LPP: variants seen among roughly 807,000 people sequenced by gnomAD.
LPP encodes lipoma-preferred partner.
Under a neutral mutation model 60.4 loss-of-function variants are expected in LPP, and 38 were observed. The ratio of observed to expected loss-of-function variants is 0.63; its 90% confidence interval spans 0.49 to 0.83. The LOEUF is 0.83. Among genes scored for constraint, LPP ranks in the 40% least tolerant of loss-of-function variants. The pLI is 0.00. For missense variants in LPP, 902 were observed against 783.6 expected (o/e 1.15, Z -1.80); for synonymous variants, 328 against 290.8 (o/e 1.13, Z -1.30).
chr3:188,162,659 T>C (rs1679195), intron 1 of LPP, among the ~76,000 whole-genome samples: 98,810 of 151,984 alleles, frequency 0.65, 32,378 homozygotes, highest in East Asian at 0.71. Flanking sequence ...GGAACATCCC[T>C]GAGCCTAAAT....
chr3:188,615,383 C>T (rs1028948877), intron 7 of LPP, among the ~76,000 whole-genome samples: 1 of 152,182 alleles, frequency 6.6e-6, no homozygotes, highest in Non-Finnish European at 1.5e-5. Flanking sequence ...GTTTTCTCCT[C>T]TTCCTAAAAG....
At chr3:188,611,131 A>G (rs1354801532) in intron 7 of LPP, among the ~76,000 whole-genome samples, 1 of 152,160 alleles carries the variant, frequency 6.6e-6, no homozygotes, top group Non-Finnish European at 1.5e-5. Context: ...TTCACATTCT[A>G]TAGGGGAATA....
intron 7 of LPP, among the ~76,000 whole-genome samples, chr3:188,617,496 A>C (rs919980103): frequency 6.6e-6 from 1 of 152,160 alleles, no homozygotes; most frequent in African/African-American, 2.4e-5. Flanking sequence ...CCACTGAATA[A>C]TAGAAAATGG....
chr3:188,482,960 C>G (rs996467781), intron 4 of LPP, among the ~76,000 whole-genome samples: 10 of 152,144 alleles, frequency 6.6e-5, no homozygotes, highest in Non-Finnish European at 1.2e-4. Flanking sequence ...GAATCAGAAT[C>G]TCTGGATCCA....
chr3:188,293,018 A>C (rs539677980), intron 2 of LPP, among the ~76,000 whole-genome samples: 1 of 152,324 alleles, frequency 6.6e-6, no homozygotes, highest in East Asian at 1.9e-4. Context: ...AAATGAAATC[A>C]CCAGCATTAC....
At chr3:188,827,774 G>C (rs981359749) in intron 9 of LPP, among the ~76,000 whole-genome samples, 4 of 152,140 alleles carry the variant, frequency 2.6e-5, no homozygotes, top group Non-Finnish European at 5.9e-5. Context: ...TGTGTGTTCT[G>C]AGCCAAGTGC....
chr3:188,457,309 C>T (rs1423673005), intron 4 of LPP, among the ~76,000 whole-genome samples: 1 of 152,140 alleles, frequency 6.6e-6, no homozygotes, highest in Non-Finnish European at 1.5e-5. Context: ...TTTAAACTCA[C>T]CATCTTGATG....
chr3:188,563,067 C>T (rs923464296), intron 6 of LPP, among the ~76,000 whole-genome samples: 6 of 151,900 alleles, frequency 3.9e-5, no homozygotes, highest in African/African-American at 7.2e-5. Flanking sequence ...ATTACACACA[C>T]GGTTGAGTGA....
intron 6 of LPP, among the ~76,000 whole-genome samples, chr3:188,577,778 TTCTG>T (rs1326495098): frequency 3.3e-4 from 48 of 144,234 alleles, no homozygotes; most frequent in South Asian, 1.9e-3. Flanking sequence ...CCTTCCTTCC[TTCTG>T]TCCTTCCCTT....
chr3:188,173,344 AAAT>A lies in LPP; in HGVS notation c.-190+19094_-190+19096del, dbSNP rs573931130. ...GGAGAAAGCCCATCTCTATTTAAAAAAATACAAAAATTAGCCGGGTGTGGTGGC... is the reference window on the plus strand; with the variant it reads ...GGAGAAAGCCCATCTCTATTTAAAAAACAAAAATTAGCCGGGTGTGGTGGC... On this transcript the variant is annotated intron_variant, in intron 1 of 11. Transcript: ENST00000617246. Among the ~76,000 whole-genome samples the A allele has an allele frequency of 8.4e-4, 128 of 152,160 alleles. 2 individuals carry two copies. Among genetic ancestry groups the A allele is most frequent in the African/African-American group, 2.9e-3 (122 of 41,484 alleles).
chr3:188,243,097 T>C (rs1239971762), intron 2 of LPP, among the ~76,000 whole-genome samples: 1 of 152,080 alleles, frequency 6.6e-6, no homozygotes, highest in Non-Finnish European at 1.5e-5. Context: ...CTTACAGTGA[T>C]CAAACTATAA....
chr3:188,573,618 T>C (rs762267294), intron 6 of LPP, among the ~76,000 whole-genome samples: 6 of 152,140 alleles, frequency 3.9e-5, no homozygotes, highest in Non-Finnish European at 7.3e-5. Context: ...GTGGCCACAG[T>C]CTACTCCATT....
At chr3:188,193,855 A>G (rs531928007) in intron 1 of LPP, among the ~76,000 whole-genome samples, 113 of 152,252 alleles carry the variant, frequency 7.4e-4, no homozygotes, top group Non-Finnish European at 1.3e-3. Flanking sequence ...CTATGCATCA[A>G]TGGTTTTATC....
chr3:188,386,260 GCGCGCACACACACACACACACACA>G lies in LPP; in HGVS notation c.-9-19850_-9-19827del, dbSNP rs1274975222. ...GTAGATAGCACTTAAGTCATAGCAT[GCGCGCACACACACACACACACACA>G]CACACACACACACACACACACACAT... is the stretch of plus-strand genomic sequence containing the variant. On this transcript the variant is annotated intron_variant, in intron 3 of 11. Coordinates refer to ENST00000617246, the MANE Select transcript of LPP (RefSeq NM_001375462.1). 6.2e-5 allele frequency among the ~76,000 whole-genome samples: 6 copies of G among 96,742 alleles called. No homozygotes were observed. The South Asian group carries it at 1.0e-3, about 17-fold the overall frequency. The allele number at this position is 96,742 out of a possible 152,430, so 63.5% of individuals were successfully genotyped here.
At chr3:188,783,779 C>A (rs1024365983) in intron 9 of LPP, among the ~76,000 whole-genome samples, 6 of 152,074 alleles carry the variant, frequency 3.9e-5, no homozygotes, top group African/African-American at 1.4e-4. Context: ...TGCTACCAGG[C>A]CCCTATCCCT....
intron 7 of LPP, among the ~76,000 whole-genome samples, chr3:188,635,732 G>C (rs1009676279): frequency 6.6e-6 from 1 of 152,136 alleles, no homozygotes; most frequent in Admixed American, 6.5e-5. Flanking sequence ...TTCTTTAGTC[G>C]AGTTTAAATG....
At chr3:188,161,589 A>C (rs977720166) in intron 1 of LPP, among the ~76,000 whole-genome samples, 4 of 152,166 alleles carry the variant, frequency 2.6e-5, no homozygotes, top group Non-Finnish European at 5.9e-5. Context: ...CTGAGGCCCC[A>C]GAAAAGGGAC....
intron 2 of LPP, among the ~76,000 whole-genome samples, chr3:188,263,839 C>T (rs1734515840): frequency 6.6e-6 from 1 of 152,226 alleles, no homozygotes; most frequent in Non-Finnish European, 1.5e-5. Flanking sequence ...CTGTAGCTGT[C>T]ACTCTCACTC....
intron 9 of LPP, among the ~76,000 whole-genome samples, chr3:188,800,817 A>G (rs948581025): frequency 4.6e-5 from 7 of 152,056 alleles, no homozygotes; most frequent in African/African-American, 1.7e-4. Flanking sequence ...ATCATTTTCT[A>G]TGCTTAGTAA....
Sources: allele counts gnomAD v4.1 joint callset (sites outside exome capture counted in the v4.1 genomes callset), GRCh38; gene constraint gnomAD v4.1.1; transcripts MANE v1.5; gene names NCBI Gene and HGNC (gene_info 2026-07-23, HGNC 2026-07-21).